The following GABBR2 variants were observed in gnomAD, a reference collection of about 807,000 sequenced individuals.
GABBR2 encodes G-protein coupled receptor 51.
In GABBR2, 23 loss-of-function variants were observed where a neutral mutation model predicts 105.6. The observed-to-expected ratio is 0.22, with a 90% CI of 0.16 to 0.31. GABBR2 has a LOEUF of 0.31. Ranked by LOEUF, GABBR2 falls within the 10% of genes least tolerant of loss-of-function variation. The pLI is 1.00. For synonymous variants in GABBR2, 478 were observed against 499.7 expected, an observed-to-expected ratio of 0.96 and a Z score of 0.58; for missense variants, 734 against 1,245.5, an observed-to-expected ratio of 0.59 and a Z score of 6.18.
At chr9:98,481,750 C>T (rs1282266804) in intron 4 of GABBR2, among the ~76,000 whole-genome samples, 1 of 152,174 alleles carries the variant, frequency 6.6e-6, no homozygotes, top group African/African-American at 2.4e-5. Context: ...TAACACAGTG[C>T]CTAGCACATA....
At chr9:98,398,988 G>A (rs571934289) in intron 8 of GABBR2, among the ~76,000 whole-genome samples, 93 of 152,280 alleles carry the variant, frequency 6.1e-4, no homozygotes, top group African/African-American at 2.2e-3. Context: ...GGGGACCCAG[G>A]TCATATGCAA....
chr9:98,297,589 G>C (rs923410955), intron 17 of GABBR2, among the ~76,000 whole-genome samples: 4 of 151,394 alleles, frequency 2.6e-5, no homozygotes, highest in African/African-American at 9.7e-5. Flanking sequence ...CTCCAGCCTG[G>C]GCAACAAGAG....
At chr9:98,581,394 G>A (rs893841995) in intron 1 of GABBR2, among the ~76,000 whole-genome samples, 4 of 151,828 alleles carry the variant, frequency 2.6e-5, no homozygotes, top group Non-Finnish European at 4.4e-5. Context: ...ACAGATTTTC[G>A]GTAAATAATT....
chr9:98,460,230 A>C (rs1826399159), intron 6 of GABBR2, among the ~76,000 whole-genome samples: 1 of 152,162 alleles, frequency 6.6e-6, no homozygotes, highest in Non-Finnish European at 1.5e-5. Context: ...ACATGGGAAA[A>C]AAATTAGCCA....
At chr9:98,570,561 T>C (rs1427023493) in intron 2 of GABBR2, among the ~76,000 whole-genome samples, 1 of 152,164 alleles carries the variant, frequency 6.6e-6, no homozygotes, top group Non-Finnish European at 1.5e-5. Context: ...CCATGCTCTG[T>C]CTCCATCTTC....
chr9:98,326,234 C>G (rs914905384), intron 13 of GABBR2, among the ~76,000 whole-genome samples: 3 of 152,184 alleles, frequency 2.0e-5, no homozygotes, highest in African/African-American at 7.2e-5. Flanking sequence ...TGTGAGGTAG[C>G]TTTGGCACAG....
chr9:98,553,271 AG>A (rs1828524405), intron 2 of GABBR2, among the ~76,000 whole-genome samples: 1 of 152,058 alleles, frequency 6.6e-6, no homozygotes, highest in Non-Finnish European at 1.5e-5. Flanking sequence ...AGGGAGGTAT[AG>A]TGACTTGCCT....
intron 13 of GABBR2, among the ~76,000 whole-genome samples, chr9:98,343,462 G>T (rs142619400): frequency 6.6e-6 from 1 of 152,270 alleles, no homozygotes; most frequent in African/African-American, 2.4e-5. Flanking sequence ...TGCTATGAAA[G>T]GAAGGCTTGG....
intron 1 of GABBR2, among the ~76,000 whole-genome samples, chr9:98,640,121 C>CATAT (rs6151094): frequency 0.097 from 13,681 of 140,546 alleles, 662 homozygotes; most frequent in Non-Finnish European, 0.11. Flanking sequence ...AAAATACAAC[C>CATAT]ATATATATAT....
intron 1 of GABBR2, among the ~76,000 whole-genome samples, chr9:98,635,481 G>T (rs1165769825): frequency 6.6e-6 from 1 of 152,162 alleles, no homozygotes; most frequent in Non-Finnish European, 1.5e-5. Context: ...AACCATGAGG[G>T]AGACAGAGCC....
In GABBR2 at chr9:98,362,769, G is replaced by A; in HGVS notation, c.1839C>T (p.Ile613=). 3.1e-6 allele frequency: 5 copies of A among 1,606,158 alleles called. No homozygotes were observed. The highest frequency in any genetic ancestry group is 4.2e-6 in the Non-Finnish European group (5 of 1,176,604). ...GCAGGGGGTCCACAGCCTGCCAGCA[G>A]ATCAGGATACACAGGTCGATCAGCA... ...GMLLIDLCIL[I]CWQAVDPLRR... The change falls in exon 13 of 19, where the codon ATC becomes ATT. Residue 613 remains isoleucine, a synonymous_variant. Transcript: ENST00000259455.
chr9:98,461,030 T>A (rs866476236), intron 6 of GABBR2, among the ~76,000 whole-genome samples: 1 of 152,176 alleles, frequency 6.6e-6, no homozygotes, highest in Non-Finnish European at 1.5e-5. Context: ...CCATCTAAAA[T>A]CCTCTATCTA....
At chr9:98,365,748 C>T (rs930090578) in intron 12 of GABBR2, among the ~76,000 whole-genome samples, 3 of 151,858 alleles carry the variant, frequency 2.0e-5, no homozygotes, top group African/African-American at 4.8e-5. Context: ...CAAGTACACC[C>T]GTGGGAATAC....
intron 14 of GABBR2, among the ~76,000 whole-genome samples, chr9:98,309,773 T>A (rs544057417): frequency 4.7e-4 from 72 of 152,328 alleles, no homozygotes; most frequent in African/African-American, 1.6e-3. Context: ...TGCAGCCCAG[T>A]GGTCCTGTTG....
chr9:98,320,449 A>C (rs1260977548), intron 13 of GABBR2, among the ~76,000 whole-genome samples: 2 of 151,880 alleles, frequency 1.3e-5, no homozygotes, highest in African/African-American at 2.4e-5. Flanking sequence ...AACTAGAAAT[A>C]CCATTTGACC....
intron 11 of GABBR2, among the ~76,000 whole-genome samples, chr9:98,376,149 G>A (rs998606303): frequency 1.3e-5 from 2 of 152,212 alleles, no homozygotes; most frequent in Non-Finnish European, 2.9e-5. Flanking sequence ...AAAGAAATGA[G>A]AGCAAGTCTC....
chr9:98,397,769 T>C (rs901185886), intron 8 of GABBR2, among the ~76,000 whole-genome samples: 1 of 152,180 alleles, frequency 6.6e-6, no homozygotes, highest in Non-Finnish European at 1.5e-5. Context: ...GGTGTCCTAG[T>C]TGCTGTGGAC....
chr9:98,402,491 G>T (rs1397520763), intron 8 of GABBR2, among the ~76,000 whole-genome samples: 1 of 152,160 alleles, frequency 6.6e-6, no homozygotes, highest in Non-Finnish European at 1.5e-5. Context: ...CTTACCTACG[G>T]CCAAGGGTGG....
intron 10 of GABBR2, among the ~76,000 whole-genome samples, chr9:98,387,395 T>A (rs1832092966): frequency 6.6e-6 from 1 of 152,212 alleles, no homozygotes; most frequent in African/African-American, 2.4e-5. Context: ...TCGAGGCATC[T>A]GGGCTGTCAA....
Sources: allele counts gnomAD v4.1 joint callset (sites outside exome capture counted in the v4.1 genomes callset), GRCh38; gene constraint gnomAD v4.1.1; transcripts MANE v1.5; gene names NCBI Gene and HGNC (gene_info 2026-07-23, HGNC 2026-07-21).